TDRD1: variants seen among roughly 807,000 people sequenced by gnomAD.
TDRD1 encodes the protein tudor domain-containing protein 1.
A neutral mutation model predicts 140.6 loss-of-function variants in TDRD1; 37 were observed. That is an observed-to-expected ratio of 0.26 (90% CI 0.20 to 0.35). The LOEUF (loss-of-function observed/expected upper bound fraction) is 0.35, where lower values mean the gene tolerates loss of function less well. Ranked by LOEUF, TDRD1 falls within the 10% of genes least tolerant of loss-of-function variation. The pLI is 1.00. For missense variants in TDRD1, 1,243 were observed against 1,393.0 expected, an observed-to-expected ratio of 0.89 and a Z score of 1.71; for synonymous variants, 506 against 475.7, an observed-to-expected ratio of 1.06 and a Z score of -0.83.
At chr10:114,210,534 T>A in intron 11 of TDRD1, 47 bp from the exon 12 acceptor site, 1 of 1,508,018 alleles carries the variant, frequency 6.6e-7, no homozygotes, top group East Asian at 2.3e-5. Context: ...TTTTTTTTAC[T>A]TTGGATGAAA....
chr10:114,231,119 A>G (rs2036730227), intron 25 of TDRD1, among the ~76,000 whole-genome samples: 1 of 152,226 alleles, frequency 6.6e-6, no homozygotes, highest in Non-Finnish European at 1.5e-5. Context: ...GGAGAAATTT[A>G]ATTGTTAGCA....
chr10:114,204,554 G>C (rs746809098), intron 9 of TDRD1, among the ~76,000 whole-genome samples, 168 bp from the exon 10 acceptor site: 1 of 152,090 alleles, frequency 6.6e-6, no homozygotes, highest in Non-Finnish European at 1.5e-5. Context: ...TATGAATACA[G>C]TACTAACAGA....
rs200753516 is a variant in TDRD1 at position 114,199,275 on chromosome 10, C to G, written c.487C>G (p.Pro163Ala). Residue 163 changes from proline (P) to alanine (A), a missense_variant, in exon 4 of 26, where the codon CCT (proline) becomes GCT (alanine). Transcript: ENST00000251864. ...TCCAGGGCTCTTCACCTCCTTAGGA[C>G]CTCCTCTTCGGTCCACAACTTGCCA... 24 of 1,613,696 alleles carry G rather than the reference C, an allele frequency of 1.5e-5. No homozygotes were observed. The highest frequency in any genetic ancestry group is 2.0e-5 in the Non-Finnish European group (24 of 1,179,914).
intron 3 of TDRD1, among the ~76,000 whole-genome samples, chr10:114,192,321 T>TA (rs869187249): frequency 1.5e-5 from 2 of 137,836 alleles, no homozygotes; most frequent in East Asian, 4.2e-4. Context: ...TTTTTTTTTT[T>TA]GAGACGGAGT....
At chr10:114,204,561 C>CAG (rs1297457921) in intron 9 of TDRD1, among the ~76,000 whole-genome samples, 161 bp from the exon 10 acceptor site, 1 of 152,108 alleles carries the variant, frequency 6.6e-6, no homozygotes, top group Non-Finnish European at 1.5e-5. Context: ...ACAGTACTAA[C>CAG]AGAGGCTAAT....
At chr10:114,211,450 G>A (rs552913393) in intron 13 of TDRD1, among the ~76,000 whole-genome samples, 1 of 152,312 alleles carries the variant, frequency 6.6e-6, no homozygotes, top group East Asian at 1.9e-4. Context: ...CTCATGGAAG[G>A]GGAGACGCAG....
chr10:114,217,765 A>G (rs1017623717), intron 17 of TDRD1, 110 bp downstream of exon 17: 7 of 621,522 alleles, frequency 1.1e-5, no homozygotes, highest in Middle Eastern at 3.7e-4. Flanking sequence ...TTCATGGCCA[A>G]GAATGAATGA....
At position 114,183,822 on chromosome 10, in the gene TDRD1, C is replaced by T. The variant is rs1037393716; in HGVS notation, c.-6-4004C>T. On this transcript the variant is annotated intron_variant, in intron 1 of 25. Coordinates refer to ENST00000251864, the Ensembl canonical transcript of TDRD1. ...TTCTAGGCGATTCTCCCACCTCAGC[C>T]TCCTGAGTAGCTGGGATTACAGGAG... Among the ~76,000 whole-genome samples the T allele has an allele frequency of 4.6e-5, 7 of 151,960 alleles. No homozygotes were observed. The East Asian group carries it at 1.4e-3, about 29-fold the overall frequency.
intron 16 of TDRD1, among the ~76,000 whole-genome samples, chr10:114,215,015 T>TACAGGTGTGAGCCAC (rs2035724882): frequency 6.6e-6 from 1 of 152,200 alleles, no homozygotes; most frequent in South Asian, 2.1e-4. Context: ...GTGCTGGGAT[T>TACAGGTGTGAGCCAC]ACAGGTGTGA....
At chr10:114,222,749 G>C in intron 21 of TDRD1, 46 bp downstream of exon 21, 1 of 1,120,438 alleles carries the variant, frequency 8.9e-7, no homozygotes, top group Non-Finnish European at 1.4e-6. Context: ...TATTTAGTCT[G>C]TTTTGTTCTA....
At chr10:114,223,909 C>A (rs1270735848) in intron 21 of TDRD1, among the ~76,000 whole-genome samples, 1 of 152,170 alleles carries the variant, frequency 6.6e-6, no homozygotes, top group East Asian at 1.9e-4. Context: ...TCCCCCAGAC[C>A]TGAGCTGTTA....
intron 10 of TDRD1, among the ~76,000 whole-genome samples, chr10:114,205,368 A>G (rs1376008460): frequency 1.3e-5 from 2 of 152,106 alleles, no homozygotes; most frequent in Non-Finnish European, 1.5e-5. Flanking sequence ...GGTGCCTCCC[A>G]GTTTCCAGGG....
chr10:114,180,127 C>G (rs2032917502), intron 1 of TDRD1: 2 of 152,182 alleles, frequency 1.3e-5, no homozygotes, highest in Admixed American at 1.3e-4. Flanking sequence ...AAATTATTTT[C>G]ATCTTAAGCC....
In TDRD1 at chr10:114,211,862, T is replaced by C. The variant is rs767238702; in HGVS notation, c.1661-4T>C. 3 of 1,517,556 alleles carry C rather than the reference T, an allele frequency of 2.0e-6. No individual in the cohort carries two copies. The highest frequency in any genetic ancestry group is 1.7e-4 in the Middle Eastern group (1 of 5,760). The allele number at this position is 1,517,556 out of a possible 1,614,324, so 94.0% of individuals were successfully genotyped here. On this transcript the variant is annotated splice_region_variant and splice_polypyrimidine_tract_variant and intron_variant, in intron 13 of 25. Transcript: ENST00000251864. ...ATTTGAGATTGAGTCTCTCCCTTTT[T>C]CAGAGGATGATCAGTGGTACCGTGC...
intron 1 of TDRD1, among the ~76,000 whole-genome samples, chr10:114,186,294 C>A (rs182977648): frequency 6.6e-6 from 1 of 152,034 alleles, no homozygotes; most frequent in African/African-American, 2.4e-5. Flanking sequence ...GATGGAGTCT[C>A]GCTGTGTTGC....
chr10:114,194,938 T>C (rs1337933718), intron 3 of TDRD1, among the ~76,000 whole-genome samples: 3 of 149,270 alleles, frequency 2.0e-5, no homozygotes, highest in Non-Finnish European at 3.0e-5. Flanking sequence ...TTTTTTTTTT[T>C]CTGTAGATAT....
chr10:114,188,400 T>A (rs780611333), intron 2 of TDRD1, among the ~76,000 whole-genome samples: 2 of 152,210 alleles, frequency 1.3e-5, no homozygotes, highest in Non-Finnish European at 2.9e-5. Flanking sequence ...AGGACTATAC[T>A]AGGAATGTAG....
In TDRD1 at chr10:114,220,535, A is replaced by G. The variant is rs758900959; in HGVS notation, c.2495-33A>G. On this transcript the variant is annotated intron_variant, in intron 18 of 25. Transcript: ENST00000251864. ...TAAAGCAAAAATGAAACTTGTTCAT[A>G]GGATTCTTTTTACTGCTGTCCTTAT... 6 of 1,559,736 alleles carry G rather than the reference A, an allele frequency of 3.8e-6. No homozygotes were observed. In the East Asian group the frequency reaches 6.7e-5, roughly 18 times the overall value.
intron 20 of TDRD1, among the ~76,000 whole-genome samples, chr10:114,222,332 C>G (rs1661282145): frequency 1.3e-5 from 2 of 152,152 alleles, no homozygotes; most frequent in Admixed American, 1.3e-4. Context: ...AGTATAACCA[C>G]CTTGATCAAG....
Sources: allele counts gnomAD v4.1 joint callset (sites outside exome capture counted in the v4.1 genomes callset), GRCh38; gene constraint gnomAD v4.1.1; transcripts MANE v1.5; gene names NCBI Gene and HGNC (gene_info 2026-07-23, HGNC 2026-07-21).